Variants in ATP6V1H observed in about 807,000 individuals in gnomAD.
ATP6V1H encodes ATPase H+ transporting V1 subunit H.
A neutral mutation model predicts 71.7 loss-of-function variants in ATP6V1H; 39 were observed. The ratio of observed to expected loss-of-function variants is 0.54; its 90% confidence interval spans 0.42 to 0.71. ATP6V1H has a LOEUF of 0.71. ATP6V1H is among the 30% of genes least tolerant of loss of function. The pLI is 0.00. For missense variants in ATP6V1H, 509 were observed against 594.9 expected (o/e 0.86, Z 1.50); for synonymous variants, 192 against 199.3 (o/e 0.96, Z 0.31).
At chr8:53,811,890 A>G (rs1002403554) in intron 6 of ATP6V1H, among the ~76,000 whole-genome samples, 9 of 152,196 alleles carry the variant, frequency 5.9e-5, no homozygotes, top group East Asian at 1.9e-4. Context: ...AAAGGCCACT[A>G]TAAGGTCAAA....
At chr8:53,773,559 G>A (rs1808751970) in intron 9 of ATP6V1H, among the ~76,000 whole-genome samples, 1 of 152,144 alleles carries the variant, frequency 6.6e-6, no homozygotes, top group Non-Finnish European at 1.5e-5. Context: ...AGGCACAGTG[G>A]CAAAGAAGCC....
intron 4 of ATP6V1H, among the ~76,000 whole-genome samples, chr8:53,821,060 T>C (rs1810635831): frequency 8.1e-6 from 1 of 123,880 alleles, no homozygotes; most frequent in African/African-American, 3.3e-5. Context: ...ACAAACTGCA[T>C]CTCACCAGAA....
intron 9 of ATP6V1H, among the ~76,000 whole-genome samples, chr8:53,773,042 G>A (rs545814336): frequency 6.6e-6 from 1 of 151,904 alleles, no homozygotes; most frequent in East Asian, 1.9e-4. Context: ...AGCTTAGTAT[G>A]TGGAAGTCAG....
At chr8:53,832,052 CATAAATGGGAAATAATA>C (rs1302045217) in intron 3 of ATP6V1H, 3 of 152,028 alleles carry the variant, frequency 2.0e-5, no homozygotes, top group Non-Finnish European at 4.4e-5. Context: ...CGGAACTTTC[CATAAATGGGAAATAATA>C]ATAAATTAAT....
At chr8:53,735,332 A>G (rs968892250) in intron 13 of ATP6V1H, among the ~76,000 whole-genome samples, 11 of 152,194 alleles carry the variant, frequency 7.2e-5, no homozygotes, top group African/African-American at 2.4e-4. Context: ...ATCGCCTCAG[A>G]TAACGGGCTG....
rs1810285131 is a variant in ATP6V1H, at chr8:53,811,851, C to T, written c.526-634G>A. 2.6e-5 allele frequency among the ~76,000 whole-genome samples: 4 copies of T among 152,264 alleles called. No individual in the cohort carries two copies. The South Asian group carries it at 8.3e-4, about 32-fold the overall frequency. The stretch of plus-strand genomic sequence containing the variant: ...GGCATGAGTCCCCACAACCCAAGTG[C>T]AACGCTCCAAACTACCCAAAAAGGC... On this transcript the variant is annotated intron_variant, in intron 6 of 13. Coordinates refer to ENST00000359530, the MANE Select transcript of ATP6V1H (RefSeq NM_015941.4).
chr8:53,809,337 G>T (rs900499772), intron 7 of ATP6V1H, among the ~76,000 whole-genome samples: 3 of 152,186 alleles, frequency 2.0e-5, no homozygotes, highest in African/African-American at 7.2e-5. Context: ...GGAAATATAA[G>T]AATCAAAGGA....
chr8:53,799,568 G>C (rs926214618), intron 8 of ATP6V1H, among the ~76,000 whole-genome samples: 4 of 152,098 alleles, frequency 2.6e-5, no homozygotes, highest in Non-Finnish European at 5.9e-5. Flanking sequence ...GAATTTGGCT[G>C]GTAAAGTTTC....
chr8:53,829,106 A>C (rs1210137050), intron 4 of ATP6V1H, among the ~76,000 whole-genome samples: 2 of 152,240 alleles, frequency 1.3e-5, no homozygotes, highest in South Asian at 2.1e-4. Flanking sequence ...TGACTGATTG[A>C]ATGAGAAGGA....
intron 9 of ATP6V1H, among the ~76,000 whole-genome samples, chr8:53,781,686 A>C (rs1013433405): frequency 1.4e-4 from 21 of 152,082 alleles, no homozygotes; most frequent in Non-Finnish European, 3.1e-4. Flanking sequence ...CTAACATTTA[A>C]GTCTTTAATC....
At chr8:53,815,306 C>T (rs1810411915) in intron 5 of ATP6V1H, among the ~76,000 whole-genome samples, 1 of 152,190 alleles carries the variant, frequency 6.6e-6, no homozygotes, top group Admixed American at 6.5e-5. Context: ...AGCTATAAAA[C>T]TAACCATTTT....
chr8:53,815,659 G>A (rs1217435672), intron 5 of ATP6V1H, among the ~76,000 whole-genome samples: 1 of 152,140 alleles, frequency 6.6e-6, no homozygotes, highest in Admixed American at 6.5e-5. Flanking sequence ...ACATGCTGAG[G>A]TTTTCACATG....
intron 7 of ATP6V1H, 132 bp from the exon 8 acceptor site, chr8:53,802,028 T>C: frequency 1.4e-6 from 1 of 693,286 alleles, no homozygotes. Context: ...CCCTAATCTC[T>C]TTTCAAAAGT....
chr8:53,819,585 T>TAG (rs1451338810), intron 4 of ATP6V1H, among the ~76,000 whole-genome samples: 1 of 83,568 alleles, frequency 1.2e-5, no homozygotes, highest in Non-Finnish European at 2.2e-5. Context: ...TATATATATA[T>TAG]AAAATACACA....
chr8:53,788,095 C>T (rs1004512413), intron 9 of ATP6V1H, among the ~76,000 whole-genome samples: 1 of 152,136 alleles, frequency 6.6e-6, no homozygotes, highest in Non-Finnish European at 1.5e-5. Flanking sequence ...AATCAAATGG[C>T]TTTACTATGT....
chr8:53,793,715 G>T (rs1809640599), intron 9 of ATP6V1H, among the ~76,000 whole-genome samples: 1 of 152,138 alleles, frequency 6.6e-6, no homozygotes, highest in African/African-American at 2.4e-5. Flanking sequence ...GAGGCAGGTG[G>T]ATCACTTGAG....
intron 11 of ATP6V1H, among the ~76,000 whole-genome samples, chr8:53,764,247 A>C (rs1207762195): frequency 1.3e-5 from 2 of 152,218 alleles, no homozygotes; most frequent in Non-Finnish European, 2.9e-5. Flanking sequence ...ACAGAGCACT[A>C]TCTCTCATGA....
At chr8:53,825,204 T>C (rs1209241555) in intron 4 of ATP6V1H, among the ~76,000 whole-genome samples, 2 of 152,116 alleles carry the variant, frequency 1.3e-5, no homozygotes, top group Non-Finnish European at 2.9e-5. Flanking sequence ...ATAAATTTAT[T>C]ATTAGTTTTT....
intron 12 of ATP6V1H, among the ~76,000 whole-genome samples, chr8:53,754,795 G>C (rs1459025846): frequency 6.6e-6 from 1 of 152,218 alleles, no homozygotes; most frequent in Non-Finnish European, 1.5e-5. Flanking sequence ...AACAGGCTGA[G>C]TGGCCTCCTA....
Sources: gnomAD v4.1 joint callset for allele counts (sites outside exome capture counted in the v4.1 genomes callset) on GRCh38, gnomAD v4.1.1 for gene constraint, MANE v1.5 for transcripts, NCBI Gene and HGNC (gene_info 2026-07-23, HGNC 2026-07-21) for gene names.